Variants in CCDC190 observed in about 807,000 individuals in gnomAD.
CCDC190 encodes coiled-coil domain-containing protein 190.
A neutral mutation model predicts 13.1 loss-of-function variants in CCDC190; 10 were observed. That is an observed-to-expected ratio of 0.77 (90% CI 0.47 to 1.30). The LOEUF is 1.30. CCDC190 is among the 50% of genes most tolerant of loss of function. The pLI is 0.00. For missense variants in CCDC190, 375 were observed against 354.3 expected, an observed-to-expected ratio of 1.06 and a Z score of -0.47; for synonymous variants, 136 against 127.2, an observed-to-expected ratio of 1.07 and a Z score of -0.47.
In CCDC190 at chr1:162,853,068, C is replaced by G; in HGVS notation, c.*1697G>C. ...ACTTATGGCCTGCCTTCCTCTGTTG[C>G]TTTGCTTCATGGAAGAAAGTGTTGG... On this transcript the variant is annotated 3_prime_UTR_variant, in exon 4 of 4. Coordinates refer to ENST00000367912, the MANE Select transcript of CCDC190 (RefSeq NM_001394065.1). The G allele has an allele frequency of 6.6e-7, 1 of 1,506,168 alleles. No homozygotes were observed. The highest frequency in any genetic ancestry group is 9.0e-7 in the Non-Finnish European group (1 of 1,106,750). The allele number at this position is 1,506,168 out of a possible 1,614,324, so 93.3% of individuals were successfully genotyped here. A position where few individuals can be genotyped will look rare whatever the true frequency, so the allele number is the denominator to read the frequency against.
At chr1:162,863,038 G>A (rs1484054091), upstream of CCDC190, among the ~76,000 whole-genome samples, 5 of 151,896 alleles carry the variant, frequency 3.3e-5, no homozygotes, top group South Asian at 2.1e-4. Context: ...GAAAATCAGC[G>A]AAGATAGTGA....
chr1:162,853,216 G>C lies in CCDC190; in HGVS notation c.*1549C>G. Reference sequence around the variant, plus strand: ...CTAAGTTTTTGTCTTCAGATAGGTGGTAGTGTGGTGTAATGAAAGAGCATG... The same window carrying C: ...CTAAGTTTTTGTCTTCAGATAGGTGCTAGTGTGGTGTAATGAAAGAGCATG... On this transcript the variant is annotated 3_prime_UTR_variant, in exon 4 of 4. Transcript: ENST00000367912. The C allele has an allele frequency of 1.4e-6, 2 of 1,395,006 alleles. No homozygotes were observed. The highest frequency in any genetic ancestry group is 1.9e-6 in the Non-Finnish European group (2 of 1,027,972). 86.4% of individuals were successfully genotyped at this position (1,395,006 alleles called of 1,614,324 possible).
At chr1:162,861,855 C>T (rs930766239), upstream of CCDC190, among the ~76,000 whole-genome samples, 3 of 152,128 alleles carry the variant, frequency 2.0e-5, no homozygotes, top group African/African-American at 7.2e-5. Context: ...AATAGAGCTG[C>T]CAACACTGGG....
Position 162,852,509 on chromosome 1 carries a change from TG to T in CCDC190, c.*2255del, listed in dbSNP as rs1246063501. On this transcript the variant is annotated 3_prime_UTR_variant, in exon 4 of 4. Transcript: ENST00000367912. ...CATCCATTGTATCGAAGAAGGCAAATGTATTAGACTAAATGATAAGAAGATA... is the reference window on the plus strand; with the variant it reads ...CATCCATTGTATCGAAGAAGGCAAATTATTAGACTAAATGATAAGAAGATA... The T allele has an allele frequency of 6.6e-6, 1 of 152,518 alleles. No individual in the cohort carries two copies. The highest frequency in any genetic ancestry group is 1.5e-5 in the Non-Finnish European group (1 of 68,266). The allele number at this position is 152,518 out of a possible 1,614,324, so 9.4% of individuals were successfully genotyped here. A position where few individuals can be genotyped will look rare whatever the true frequency, so the allele number is the denominator to read the frequency against.
At position 162,855,648 on chromosome 1, in the gene CCDC190, G is replaced by A. The variant is rs754258885; in HGVS notation, c.295C>T (p.Gln99Ter). ...PQGRQKHRAP[Q>*]AKKMRALATR... The stretch of plus-strand genomic sequence containing the variant: ...ATTTCTTACCTCATTTTCTTAGCCT[G>A]TGGGGCTCTGTGCTTCTGCCTTCCC... Residue 99 changes from glutamine (Q) to a stop codon, truncating the protein, a stop_gained, in exon 3 of 4, where the codon CAG becomes TAG. Transcript: ENST00000367912. LOFTEE classifies it low-confidence loss of function (END_TRUNC). The A allele has an allele frequency of 1.2e-6, 2 of 1,613,838 alleles. No individual in the cohort carries two copies. Among genetic ancestry groups the A allele is most frequent in the Non-Finnish European group, 1.7e-6 (2 of 1,179,744 alleles).
rs570329753 is a variant in CCDC190, at chr1:162,853,191, C to T, written c.*1574G>A. On this transcript the variant is annotated 3_prime_UTR_variant, in exon 4 of 4. Coordinates refer to ENST00000367912, the MANE Select transcript of CCDC190 (RefSeq NM_001394065.1). ...TGAAACTGACTCTCAAATGTTTGAT[C>T]TAAGTTTTTGTCTTCAGATAGGTGG... 4 of 1,527,050 alleles carry T rather than the reference C, an allele frequency of 2.6e-6. No individual in the cohort carries two copies. In the African/African-American group the frequency reaches 4.1e-5, roughly 16 times the overall value. 94.6% of individuals were successfully genotyped at this position (1,527,050 alleles called of 1,614,324 possible).
chr1:162,858,573 T>G (rs1650391570), intron 2 of CCDC190, among the ~76,000 whole-genome samples: 1 of 152,232 alleles, frequency 6.6e-6, no homozygotes. Flanking sequence ...TGTGTTGACC[T>G]GAAATATTTT....
chr1:162,861,212 G>A (rs1201996050), upstream of CCDC190, among the ~76,000 whole-genome samples: 1 of 151,844 alleles, frequency 6.6e-6, no homozygotes, highest in Non-Finnish European at 1.5e-5. Flanking sequence ...TACCTCCCCT[G>A]GTCAGGAATG....
In CCDC190 at chr1:162,855,167, T is replaced by C. The variant is rs763619265; in HGVS notation, c.504A>G (p.Val168=). The change falls in exon 4 of 4, where the codon GTA becomes GTG. Residue 168 remains valine, a synonymous_variant. Coordinates refer to ENST00000367912, the MANE Select transcript of CCDC190 (RefSeq NM_001394065.1). ...EKDSVNPSKD[V]DPSKGISVPC... is the part of the protein sequence containing the mutation. ...GAACAGAGATGCCCTTGCTGGGGTCTACGTCCTTAGATGGATTCACAGAAT... is the reference window on the plus strand; with the variant it reads ...GAACAGAGATGCCCTTGCTGGGGTCCACGTCCTTAGATGGATTCACAGAAT... 15 of 1,613,914 alleles carry C rather than the reference T, an allele frequency of 9.3e-6. No individual in the cohort carries two copies. The African/African-American group carries it at 1.2e-4, about 13-fold the overall frequency.
At position 162,860,447 on chromosome 1, in the gene CCDC190, G is replaced by A. The variant is rs144663809; in HGVS notation, c.-13+561C>T. ...CCTACTTCTTTCTCCTCTAAATAGC[G>A]CTAAGTAGGGACACATTTTTCTCTC... is the stretch of plus-strand genomic sequence containing the variant. On this transcript the variant is annotated intron_variant, in intron 1 of 3. Transcript: ENST00000367912. 6.1e-3 allele frequency among the ~76,000 whole-genome samples: 923 copies of A among 152,132 alleles called. 15 individuals carry two copies. Among genetic ancestry groups the A allele is most frequent in the African/African-American group, 0.021 (874 of 41,500 alleles).
At position 162,855,227 on chromosome 1, in the gene CCDC190, G is replaced by A. The variant is rs1468175439; in HGVS notation, c.444C>T (p.Cys148=). 1.2e-6 allele frequency: 2 copies of A among 1,613,846 alleles called. No individual in the cohort carries two copies. Among genetic ancestry groups the A allele is most frequent in the African/African-American group, 2.7e-5 (2 of 74,918 alleles). The part of the protein sequence containing the change: ...QPLSQNNRTA[C]FIKEQPQAQE... ...GGGCTTGTGGTTGCTCTTTTATGAAGCAGGCAGTTCTGTTATTTTGAGAGA... is the reference window on the plus strand; with the variant it reads ...GGGCTTGTGGTTGCTCTTTTATGAAACAGGCAGTTCTGTTATTTTGAGAGA... The change falls in exon 4 of 4, where the codon TGC becomes TGT. Residue 148 remains cysteine, a synonymous_variant. Transcript: ENST00000367912.
At chr1:162,866,516 T>C (rs529518173) in intron 1 of CCDC190, among the ~76,000 whole-genome samples, 1 of 152,302 alleles carries the variant, frequency 6.6e-6, no homozygotes, top group South Asian at 2.1e-4. Flanking sequence ...GACTGCCAAT[T>C]CTTCTAAAAA....
chr1:162,866,072 A>G (rs192654157), upstream of CCDC190, among the ~76,000 whole-genome samples: 44 of 152,230 alleles, frequency 2.9e-4, no homozygotes, highest in Non-Finnish European at 6.2e-4. Context: ...ACATAAAAAT[A>G]TTGTAAATTA....
In CCDC190 at chr1:162,854,979, T is replaced by C; in HGVS notation, c.692A>G (p.Glu231Gly). Residue 231 changes from glutamate to glycine, a missense_variant, in exon 4 of 4, where the codon GAA (glutamate) becomes GGA (glycine). Glu to Gly is a moderately conservative substitution (Grantham distance 98, BLOSUM62 -2). Coordinates refer to ENST00000367912, the MANE Select transcript of CCDC190 (RefSeq NM_001394065.1). ...TGKQIPPKHMECAGSFEGEFT... is the reference protein window; with the variant it reads ...TGKQIPPKHMGCAGSFEGEFT... Reference sequence around the variant, plus strand: ...CTCGCCTTCGAAGCTTCCTGCACATTCCATGTGTTTTGGGGGAATTTGTTT... The same window carrying C: ...CTCGCCTTCGAAGCTTCCTGCACATCCCATGTGTTTTGGGGGAATTTGTTT... 1 of 1,614,022 alleles carries C rather than the reference T, an allele frequency of 6.2e-7. No homozygotes were observed. Among genetic ancestry groups the C allele is most frequent in the Non-Finnish European group, 8.5e-7 (1 of 1,179,888 alleles).
chr1:162,854,887 C>T lies in CCDC190; in HGVS notation c.784G>A (p.Val262Ile). 1 of 1,614,012 alleles carries T rather than the reference C, an allele frequency of 6.2e-7. No homozygotes were observed. Among genetic ancestry groups the T allele is most frequent in the Admixed American group, 1.7e-5 (1 of 60,024 alleles). Residue 262 changes from valine to isoleucine, a missense_variant, in exon 4 of 4, where the codon GTC (valine) becomes ATC (isoleucine). Coordinates refer to ENST00000367912, the MANE Select transcript of CCDC190 (RefSeq NM_001394065.1). ...AGCAACCTCTCAGACTCAGGGGGGA[C>T]CCTGTGCCGGAGATAATGGGCATTT... ...ARNAHYLRHR[V>I]PPESERLLSI...
chr1:162,863,213 A>C (rs965712056), upstream of CCDC190, among the ~76,000 whole-genome samples: 1 of 152,200 alleles, frequency 6.6e-6, no homozygotes, highest in African/African-American at 2.4e-5. Flanking sequence ...TCTGTTTTAC[A>C]TGGAGTCACA....
Position 162,853,004 on chromosome 1 carries a change from G to T in CCDC190, c.*1761C>A. 1 of 972,092 alleles carries T rather than the reference G, an allele frequency of 1.0e-6. No homozygotes were observed. Among genetic ancestry groups the T allele is most frequent in the Non-Finnish European group, 1.6e-6 (1 of 625,380 alleles). 60.2% of individuals were successfully genotyped at this position (972,092 alleles called of 1,614,324 possible). ...TCATGTTGGCCCAGGCATGGCTGGTGCAAATAAATTAAGTTTTTGTGAATC... is the reference window on the plus strand; with the variant it reads ...TCATGTTGGCCCAGGCATGGCTGGTTCAAATAAATTAAGTTTTTGTGAATC... On this transcript the variant is annotated 3_prime_UTR_variant, in exon 4 of 4. Transcript: ENST00000367912.
rs747998813 is a variant in CCDC190, at chr1:162,855,688, G to A, written c.255C>T (p.Leu85=). 10 of 1,613,680 alleles carry A rather than the reference G, an allele frequency of 6.2e-6. 1 individual carries two copies. The highest frequency in any genetic ancestry group is 2.2e-5 in the East Asian group (1 of 44,870). The change falls in exon 3 of 4, where the codon CTC becomes CTT. Residue 85 remains leucine (L), a synonymous_variant. Transcript: ENST00000367912. ...TCTGCCTTCCCTGTGGTGAGAACAC[G>A]AGAACATCTTCTGGTCTCTTCTGAA... ...NGFQKRPEDV[L]VFSPQGRQKH...
In CCDC190 at chr1:162,851,489, C is replaced by T. The variant is rs1650107696; in HGVS notation, c.*3276G>A. On this transcript the variant is annotated 3_prime_UTR_variant, in exon 4 of 4. Coordinates refer to ENST00000367912, the MANE Select transcript of CCDC190 (RefSeq NM_001394065.1). ...CATTTCACCCTGAGAGGAGCTGGTC[C>T]CTCCAGTGTTCATGGTAAAAACTTA... 6.6e-6 allele frequency: 1 copy of T among 151,902 alleles called. No homozygotes were observed. Among genetic ancestry groups the T allele is most frequent in the African/African-American group, 2.4e-5 (1 of 41,270 alleles). 9.4% of individuals were successfully genotyped at this position (151,902 alleles called of 1,614,324 possible).
Sources: gnomAD v4.1 joint callset for allele counts (sites outside exome capture counted in the v4.1 genomes callset) on GRCh38, gnomAD v4.1.1 for gene constraint, MANE v1.5 for transcripts, NCBI Gene and HGNC (gene_info 2026-07-23, HGNC 2026-07-21) for gene names.